The following EDARADD variants were observed in gnomAD, a reference collection of about 807,000 sequenced individuals.
EDARADD encodes ectodysplasin-A receptor-associated adapter protein.
EDARADD carries 20 observed loss-of-function variants against 25.6 expected under a neutral mutation model. The observed-to-expected ratio is 0.78, with a 90% CI of 0.55 to 1.14. EDARADD has a LOEUF of 1.14. Ranked by LOEUF, EDARADD falls within the 50% of genes most tolerant of loss-of-function variation. The probability of loss-of-function intolerance (pLI) is 0.00; values close to 1 mark genes in which losing one functional copy is unlikely to be tolerated. For missense variants in EDARADD, 225 were observed against 270.1 expected, an observed-to-expected ratio of 0.83 and a Z score of 1.17; for synonymous variants, 86 against 94.4, an observed-to-expected ratio of 0.91 and a Z score of 0.52.
intron 3 of EDARADD, among the ~76,000 whole-genome samples, chr1:236,377,630 T>C (rs754625478): frequency 3.3e-5 from 5 of 151,012 alleles, no homozygotes; most frequent in South Asian, 4.2e-4. Context: ...GAGGCCGAGG[T>C]GGGCAGATCA....
chr1:236,412,227 C>A (rs1401834904), intron 2 of EDARADD, among the ~76,000 whole-genome samples: 4 of 152,138 alleles, frequency 2.6e-5, no homozygotes, highest in Non-Finnish European at 5.9e-5. Context: ...GCATCTTTAC[C>A]TAATGAACTC....
Position 236,398,585 on chromosome 1 carries a change from C to T in EDARADD, c.61+4080C>T, listed in dbSNP as rs928644481. ...TTGACCCCTGCTCTCTGCACGCAGCCGTGCTGCCTCCTTTCATTTCCTTGA... is the reference window on the plus strand; with the variant it reads ...TTGACCCCTGCTCTCTGCACGCAGCTGTGCTGCCTCCTTTCATTTCCTTGA... On this transcript the variant is annotated intron_variant, in intron 1 of 5. Transcript: ENST00000334232. The surrounding 1 kb of genome is among the most constrained non-coding windows in gnomAD (Gnocchi z 4.1). Among the ~76,000 whole-genome samples the T allele has an allele frequency of 5.3e-5, 8 of 152,254 alleles. No homozygotes were observed. Among genetic ancestry groups the T allele is most frequent in the African/African-American group, 1.2e-4 (5 of 41,468 alleles).
At chr1:236,445,649 G>T (rs1658517414) in intron 4 of EDARADD, among the ~76,000 whole-genome samples, 1 of 152,174 alleles carries the variant, frequency 6.6e-6, no homozygotes, top group South Asian at 2.1e-4. Flanking sequence ...AATGGAGGAA[G>T]AAGAAGATTA....
At chr1:236,431,402 A>C (rs906602737) in intron 4 of EDARADD, among the ~76,000 whole-genome samples, 1 of 152,148 alleles carries the variant, frequency 6.6e-6, no homozygotes, top group African/African-American at 2.4e-5. Context: ...GCAACATAGC[A>C]AGACCTGTCT....
chr1:236,422,324 G>A (rs1657802599), intron 3 of EDARADD, among the ~76,000 whole-genome samples: 2 of 152,212 alleles, frequency 1.3e-5, no homozygotes. Context: ...GAAATGTTCT[G>A]CTGAAGCCTT....
At chr1:236,426,276 C>T (rs1657916929) in intron 3 of EDARADD, among the ~76,000 whole-genome samples, 1 of 152,212 alleles carries the variant, frequency 6.6e-6, no homozygotes, top group African/African-American at 2.4e-5. Context: ...CCACTCCTGG[C>T]TATCATGCCA....
At chr1:236,406,251 C>T (rs914213637) in intron 1 of EDARADD, among the ~76,000 whole-genome samples, 1 of 151,972 alleles carries the variant, frequency 6.6e-6, no homozygotes, top group African/African-American at 2.4e-5. Flanking sequence ...CTTCTACCAC[C>T]CCCTCCCCAG....
intron 3 of EDARADD, among the ~76,000 whole-genome samples, chr1:236,364,610 C>G (rs945072422): frequency 3.3e-5 from 5 of 152,232 alleles, no homozygotes; most frequent in Admixed American, 3.3e-4. Flanking sequence ...AGGTCTTTCA[C>G]ATCCTCAGAT....
At chr1:236,349,413 CAT>C (rs1405070930) in intron 2 of EDARADD, among the ~76,000 whole-genome samples, 1 of 152,016 alleles carries the variant, frequency 6.6e-6, no homozygotes, top group Non-Finnish European at 1.5e-5. Flanking sequence ...TGTTGCGTGA[CAT>C]GTGCCCAAGG....
At chr1:236,367,418 C>T (rs557058110) in intron 3 of EDARADD, among the ~76,000 whole-genome samples, 11 of 152,110 alleles carry the variant, frequency 7.2e-5, no homozygotes, top group African/African-American at 1.2e-4. Context: ...TTACTAGAGA[C>T]GGGTTTCACC....
intron 3 of EDARADD, among the ~76,000 whole-genome samples, chr1:236,368,934 T>C (rs1667143763): frequency 6.6e-6 from 1 of 152,196 alleles, no homozygotes; most frequent in Non-Finnish European, 1.5e-5. Context: ...CAAGAATATG[T>C]AAATTTTTGA....
At chr1:236,477,341 C>T (rs1391340799) in intron 5 of EDARADD, among the ~76,000 whole-genome samples, 1 of 151,984 alleles carries the variant, frequency 6.6e-6, no homozygotes, top group African/African-American at 2.4e-5. Flanking sequence ...GAGTGAAACC[C>T]CGTCTCTACT....
chr1:236,466,790 T>C (rs774794960), intron 4 of EDARADD, among the ~76,000 whole-genome samples: 15 of 152,150 alleles, frequency 9.9e-5, no homozygotes, highest in South Asian at 2.1e-4. Context: ...TAAAACATGC[T>C]GGGCACTGTG....
intron 1 of EDARADD, among the ~76,000 whole-genome samples, chr1:236,396,900 A>G: frequency 7.0e-6 from 1 of 143,316 alleles, no homozygotes; most frequent in East Asian, 2.1e-4. Context: ...TGAATTGACA[A>G]GGTGCCAAGG....
chr1:236,375,015 G>A (rs1003429200), intron 3 of EDARADD, among the ~76,000 whole-genome samples: 4 of 151,582 alleles, frequency 2.6e-5, no homozygotes, highest in Non-Finnish European at 5.9e-5. Context: ...TGATTTTAAT[G>A]AAGTATTTCA....
At chr1:236,442,235 C>T (rs1194763354) in intron 4 of EDARADD, among the ~76,000 whole-genome samples, 40 of 151,882 alleles carry the variant, frequency 2.6e-4, no homozygotes, top group South Asian at 2.1e-4. Context: ...AAGTGATTTT[C>T]GTGCCTCCAC....
At position 236,445,234 on chromosome 1, in the gene EDARADD, C is replaced by CTTTTTTTTTTTTTTTTTTTTTTTT. The variant is rs61333307; in HGVS notation, c.219+17795_219+17796insTTTTTTTTTTTTTTTTTTTTTTTT. ...TGCATTAGCTGGGACATAATAAATT[C>CTTTTTTTTTTTTTTTTTTTTTTTT]TTTTTTTTTTTGAGACAGAGTCTTG... is the stretch of plus-strand genomic sequence containing the variant. On this transcript the variant is annotated intron_variant, in intron 4 of 5. Coordinates refer to ENST00000334232, the MANE Select transcript of EDARADD (RefSeq NM_145861.4). 1.2e-3 allele frequency among the ~76,000 whole-genome samples: 112 copies of CTTTTTTTTTTTTTTTTTTTTTTTT among 89,704 alleles called. 32 individuals are homozygous for CTTTTTTTTTTTTTTTTTTTTTTTT. The highest frequency in any genetic ancestry group is 2.0e-3 in the Non-Finnish European group (85 of 41,724). The allele number at this position is 89,704 out of a possible 152,430, so 58.8% of individuals were successfully genotyped here. A position where few individuals can be genotyped will look rare whatever the true frequency, so the allele number is the denominator to read the frequency against.
chr1:236,430,306 T>C (rs1329527287), intron 4 of EDARADD, among the ~76,000 whole-genome samples: 1 of 152,240 alleles, frequency 6.6e-6, no homozygotes, highest in Non-Finnish European at 1.5e-5. Flanking sequence ...AAATTTGTTC[T>C]TCTCATAATC....
At chr1:236,423,951 C>A (rs1445311632) in intron 3 of EDARADD, among the ~76,000 whole-genome samples, 2 of 151,722 alleles carry the variant, frequency 1.3e-5, no homozygotes, top group African/African-American at 4.8e-5. Context: ...ACTAAAAATA[C>A]AAAAATTAGC....
Sources: allele counts gnomAD v4.1 joint callset (sites outside exome capture counted in the v4.1 genomes callset), GRCh38; gene constraint gnomAD v4.1.1; non-coding constraint Gnocchi (gnomAD v3.1); transcripts MANE v1.5; gene names NCBI Gene and HGNC (gene_info 2026-07-23, HGNC 2026-07-21).